Variants in SH3KBP1 observed in about 807,000 individuals in gnomAD.
SH3KBP1 encodes the protein SH3 domain-containing kinase-binding protein 1.
Under a neutral mutation model 50.1 loss-of-function variants are expected in SH3KBP1, and 8 were observed. The observed-to-expected ratio is 0.16, with a 90% CI of 0.09 to 0.29. SH3KBP1 has a LOEUF of 0.29. Among genes scored for constraint, SH3KBP1 ranks in the 10% least tolerant of loss-of-function variants. SH3KBP1 has a pLI of 1.00. For missense variants in SH3KBP1, 377 were observed against 535.2 expected, an observed-to-expected ratio of 0.70 and a Z score of 2.92; for synonymous variants, 227 against 218.6, an observed-to-expected ratio of 1.04 and a Z score of -0.34.
intron 1 of SH3KBP1, among the ~76,000 whole-genome samples, chrX:19,843,593 C>T (rs982648360): frequency 9.0e-6 from 1 of 111,308 alleles, no homozygotes; most frequent in African/African-American, 3.3e-5. Context: ...ATCTTAAAAA[C>T]TGAACATCAG....
chrX:19,798,957 T>C (rs924269318), intron 2 of SH3KBP1, among the ~76,000 whole-genome samples: 6 of 112,049 alleles, frequency 5.4e-5, no homozygotes, highest in African/African-American at 1.9e-4. Context: ...GAGATCTTGG[T>C]TAGCAGCCCA....
chrX:19,650,968 T>A (rs1436393987), intron 6 of SH3KBP1, among the ~76,000 whole-genome samples: 1 of 112,254 alleles, frequency 8.9e-6, no homozygotes, highest in Non-Finnish European at 1.9e-5. Context: ...TATATGACCA[T>A]ATCTGTAACT....
chrX:19,799,517 C>A (rs746011415), intron 2 of SH3KBP1: 29 of 721,156 alleles, frequency 4.0e-5, no homozygotes, highest in Non-Finnish European at 5.9e-5. Flanking sequence ...CTTGGAAGGA[C>A]TGGCCTGAGA....
intron 1 of SH3KBP1, among the ~76,000 whole-genome samples, chrX:19,858,693 T>C (rs1024673025): frequency 8.9e-6 from 1 of 112,411 alleles, no homozygotes; most frequent in Non-Finnish European, 1.9e-5. Context: ...TCAAAAGTTC[T>C]CCATGATTTG....
chrX:19,672,825 G>A (rs1275042238), intron 6 of SH3KBP1, among the ~76,000 whole-genome samples: 1 of 110,654 alleles, frequency 9.0e-6, no homozygotes, highest in Non-Finnish European at 1.9e-5. Context: ...GGGAGGCCAA[G>A]GTGTGCGGAT....
chrX:19,606,085 A>C (rs898938767), intron 9 of SH3KBP1, among the ~76,000 whole-genome samples: 4 of 112,109 alleles, frequency 3.6e-5, no homozygotes, highest in Non-Finnish European at 7.5e-5. Context: ...GTAAATAGTA[A>C]TTATAAAGAC....
At chrX:19,686,415 G>C (rs1184539527) in intron 5 of SH3KBP1, among the ~76,000 whole-genome samples, 3 of 111,570 alleles carry the variant, frequency 2.7e-5, no homozygotes, top group African/African-American at 9.8e-5. Flanking sequence ...AACCCAGAGT[G>C]TGGACTGTGG....
chrX:19,760,027 TCTCTCTCTCTCTCC>T (rs756802271), intron 2 of SH3KBP1, among the ~76,000 whole-genome samples: 1,576 of 70,056 alleles, frequency 0.022, 61 homozygotes, highest in African/African-American at 0.083. Flanking sequence ...CTCTCTCCTC[TCTCTCTCTCTCTCC>T]CTCTCTCTCT....
At chrX:19,779,911 A>G (rs1404616719) in intron 2 of SH3KBP1, among the ~76,000 whole-genome samples, 4 of 107,608 alleles carry the variant, frequency 3.7e-5, no homozygotes, top group South Asian at 4.2e-4. Flanking sequence ...TCTTTATAGC[A>G]GCATGATTTA....
chrX:19,611,956 GAAAAAAAAAAAA>G (rs3036638), intron 8 of SH3KBP1, among the ~76,000 whole-genome samples: 2 of 38,051 alleles, frequency 5.3e-5, no homozygotes, highest in Admixed American at 4.0e-4. Flanking sequence ...AGCAGAAGTA[GAAAAAAAAAAAA>G]AAAAAAAAAA....
chrX:19,737,780 C>G (rs1340205247), intron 3 of SH3KBP1, among the ~76,000 whole-genome samples: 1 of 112,118 alleles, frequency 8.9e-6, no homozygotes, highest in South Asian at 3.7e-4. Context: ...ACTCATGTGT[C>G]TAAGCCTCAT....
chrX:19,883,632 A>T (rs1454003167), intron 1 of SH3KBP1, among the ~76,000 whole-genome samples: 1 of 111,704 alleles, frequency 9.0e-6, no homozygotes, highest in Non-Finnish European at 1.9e-5. Context: ...CCTGTTGAAC[A>T]GAAACAATTC....
At chrX:19,825,986 A>G (rs1476775078) in intron 2 of SH3KBP1, among the ~76,000 whole-genome samples, 1 of 112,266 alleles carries the variant, frequency 8.9e-6, no homozygotes, top group Non-Finnish European at 1.9e-5. Flanking sequence ...TGGGTAGATT[A>G]TACATACAAT....
chrX:19,586,723 G>C (rs2066580113), intron 12 of SH3KBP1, among the ~76,000 whole-genome samples: 1 of 111,846 alleles, frequency 8.9e-6, no homozygotes, highest in African/African-American at 3.3e-5. Flanking sequence ...AGGTGAACCA[G>C]CTGCTACTTG....
intron 3 of SH3KBP1, among the ~76,000 whole-genome samples, chrX:19,735,785 G>A (rs1269489241): frequency 9.7e-6 from 1 of 103,381 alleles, no homozygotes; most frequent in Non-Finnish European, 2.0e-5. Context: ...GTGCAGCGGC[G>A]CGATCTCGGC....
At chrX:19,557,549 T>C (rs2065529433) in intron 13 of SH3KBP1, among the ~76,000 whole-genome samples, 1 of 112,331 alleles carries the variant, frequency 8.9e-6, no homozygotes. Flanking sequence ...ATCTATACTA[T>C]TCAAATCGTA....
At chrX:19,583,797 ATT>A (rs774576100) in intron 12 of SH3KBP1, among the ~76,000 whole-genome samples, 203 of 104,387 alleles carry the variant, frequency 1.9e-3, no homozygotes, top group Non-Finnish European at 3.6e-3. Context: ...AATAATATAT[ATT>A]ATTTATGTAT....
chrX:19,584,256 AC>A (rs1453182762), intron 12 of SH3KBP1, among the ~76,000 whole-genome samples: 38 of 82,437 alleles, frequency 4.6e-4, no homozygotes, highest in Non-Finnish European at 6.9e-4. Context: ...ATATAAATAT[AC>A]AAAATACATA....
At chrX:19,606,819 A>G (rs762166474) in intron 9 of SH3KBP1, among the ~76,000 whole-genome samples, 42 of 112,050 alleles carry the variant, frequency 3.7e-4, no homozygotes, top group African/African-American at 1.3e-3. Flanking sequence ...AATCTAGGAA[A>G]CATTAAGAAC....
Sources: gnomAD v4.1 joint callset for allele counts (sites outside exome capture counted in the v4.1 genomes callset) on GRCh38, gnomAD v4.1.1 for gene constraint, MANE v1.5 for transcripts, NCBI Gene and HGNC (gene_info 2026-07-23, HGNC 2026-07-21) for gene names.